SEC22C: variants seen among roughly 807,000 people sequenced by gnomAD.
SEC22C encodes vesicle-trafficking protein SEC22c.
A neutral mutation model predicts 34.7 loss-of-function variants in SEC22C; 29 were observed. The ratio of observed to expected loss-of-function variants is 0.84; its 90% CI spans 0.62 to 1.14. SEC22C has a LOEUF of 1.14. Among genes scored for constraint, SEC22C ranks in the 50% most tolerant of loss-of-function variants. The probability of loss-of-function intolerance (pLI) is 0.00; values close to 1 mark genes in which losing one functional copy is unlikely to be tolerated. For synonymous variants in SEC22C, 117 were observed against 132.8 expected (o/e 0.88, Z 0.82); for missense variants, 337 against 369.0 (o/e 0.91, Z 0.71).
At chr3:42,568,171 T>G (rs190436467) in intron 2 of SEC22C, among the ~76,000 whole-genome samples, 1 of 152,212 alleles carries the variant, frequency 6.6e-6, no homozygotes. Flanking sequence ...ATGAAATTTT[T>G]TTCTTATTTC....
chr3:42,580,891 A>G (rs1033059389), intron 1 of SEC22C, among the ~76,000 whole-genome samples: 1 of 152,206 alleles, frequency 6.6e-6, no homozygotes, highest in Non-Finnish European at 1.5e-5. Context: ...ACTTGTTACA[A>G]CTGCTCTTTA....
Position 42,600,769 on chromosome 3 carries a change from G to A in SEC22C, c.-28+191C>T, listed in dbSNP as rs765839394. ...CTCACGGGGACCCGCTCAGGCTGGA[G>A]GCCAGCCAGGTGAAGAGCTCGCCCG... On this transcript the variant is annotated intron_variant, in intron 1 of 6. Coordinates refer to the SEC22C transcript ENST00000417572. 7.6e-4 allele frequency: 277 copies of A among 366,666 alleles called. 1 individual carries two copies. The highest frequency in any genetic ancestry group is 1.3e-3 in the Non-Finnish European group (257 of 203,186). 22.7% of individuals were successfully genotyped at this position (366,666 alleles called of 1,614,324 possible).
At chr3:42,598,012 A>G (rs761067366) in intron 1 of SEC22C, among the ~76,000 whole-genome samples, 7 of 152,254 alleles carry the variant, frequency 4.6e-5, no homozygotes, top group Non-Finnish European at 7.3e-5. Flanking sequence ...GGAAAACAGT[A>G]TGGTAATTCC....
At chr3:42,563,486 T>C (rs758928815) in intron 3 of SEC22C, 37 bp downstream of exon 3, 4 of 1,573,990 alleles carry the variant, frequency 2.5e-6, no homozygotes, top group East Asian at 2.2e-5. Flanking sequence ...TATAACACCA[T>C]GGAAGAGAAA....
intron 1 of SEC22C, chr3:42,591,164 G>A (rs1371448071): frequency 3.2e-6 from 2 of 633,904 alleles, no homozygotes; most frequent in African/African-American, 3.7e-5. Context: ...TCGGTCCCCC[G>A]CCGTCCAGAC....
chr3:42,587,695 C>T (rs1159171271), intron 1 of SEC22C: 1 of 151,510 alleles, frequency 6.6e-6, no homozygotes, highest in Non-Finnish European at 1.5e-5. Flanking sequence ...GAGATCGTGC[C>T]ACAGCACTCC....
In SEC22C at chr3:42,550,963, G is replaced by A. The variant is rs890313031; in HGVS notation, c.*2285C>T. Reference sequence around the variant, plus strand: ...GGCTCACTGCAACCTCCACCTCCCGGGTTCAAGAGATTCTCCTGCCTCAGC... The same window carrying A: ...GGCTCACTGCAACCTCCACCTCCCGAGTTCAAGAGATTCTCCTGCCTCAGC... On this transcript the variant is annotated 3_prime_UTR_variant, in exon 7 of 7. Transcript: ENST00000264454. 2.2e-5 allele frequency: 17 copies of A among 766,574 alleles called. No individual in the cohort carries two copies. The Admixed American group carries it at 3.2e-4, about 14-fold the overall frequency. The allele number at this position is 766,574 out of a possible 1,614,324, so 47.5% of individuals were successfully genotyped here.
chr3:42,553,714 A>G (rs531881431), intron 6 of SEC22C, among the ~76,000 whole-genome samples: 2 of 152,360 alleles, frequency 1.3e-5, no homozygotes, highest in East Asian at 3.9e-4. Context: ...TTAAAGAAAT[A>G]GACAGAAATG....
intron 1 of SEC22C, among the ~76,000 whole-genome samples, chr3:42,574,378 A>G (rs891982584): frequency 1.3e-4 from 19 of 151,500 alleles, no homozygotes; most frequent in Non-Finnish European, 2.2e-4. Flanking sequence ...AAAAAAAAAA[A>G]AAAAGGAATA....
intron 1 of SEC22C, among the ~76,000 whole-genome samples, chr3:42,575,557 G>A (rs1256994481): frequency 6.6e-6 from 1 of 152,152 alleles, no homozygotes; most frequent in Non-Finnish European, 1.5e-5. Flanking sequence ...AAAAGAATAA[G>A]TCCACTAAGA....
chr3:42,600,789 C>A (rs768161901), intron 1 of SEC22C: 8 of 383,552 alleles, frequency 2.1e-5, no homozygotes, highest in Non-Finnish European at 3.8e-5. Context: ...GTGAAGAGCT[C>A]GCCCGCATGC....
Position 42,553,239 on chromosome 3 carries a change from G to C in SEC22C, c.*9C>G. Reference sequence around the variant, plus strand: ...AAAATCAAAGAATCCATTCATCACAGTGTCATCCTCATACTCCACAGTCAG... The same window carrying C: ...AAAATCAAAGAATCCATTCATCACACTGTCATCCTCATACTCCACAGTCAG... On this transcript the variant is annotated 3_prime_UTR_variant, in exon 7 of 7. Coordinates refer to ENST00000264454, the MANE Select transcript of SEC22C (RefSeq NM_032970.4). The C allele has an allele frequency of 6.2e-7, 1 of 1,613,822 alleles. No homozygotes were observed. The highest frequency in any genetic ancestry group is 8.5e-7 in the Non-Finnish European group (1 of 1,179,990).
At chr3:42,556,785 G>C (rs983817473) in intron 5 of SEC22C, among the ~76,000 whole-genome samples, 1 of 152,050 alleles carries the variant, frequency 6.6e-6, no homozygotes, top group African/African-American at 2.4e-5. Context: ...GTGCAGTGGC[G>C]CAATTTTGGC....
chr3:42,562,166 A>C (rs1702961765), intron 3 of SEC22C, among the ~76,000 whole-genome samples: 1 of 152,240 alleles, frequency 6.6e-6, no homozygotes, highest in South Asian at 2.1e-4. Context: ...AAATCTGTAT[A>C]ATTCTACTCT....
chr3:42,572,363 C>T (rs1703696386), intron 1 of SEC22C, among the ~76,000 whole-genome samples: 2 of 152,204 alleles, frequency 1.3e-5, no homozygotes, highest in South Asian at 4.1e-4. Context: ...CTACCACACA[C>T]CTGCCAACGA....
At chr3:42,581,725 G>T (rs533746470) in intron 1 of SEC22C, 121 bp downstream of exon 1, 1 of 152,630 alleles carries the variant, frequency 6.6e-6, no homozygotes, top group South Asian at 2.1e-4. Flanking sequence ...GTCAAGGCCG[G>T]GACTGAGGGC....
chr3:42,560,004 C>G (rs1200453576), intron 4 of SEC22C, among the ~76,000 whole-genome samples: 1 of 151,676 alleles, frequency 6.6e-6, no homozygotes, highest in Non-Finnish European at 1.5e-5. Context: ...CTCCAGCCCC[C>G]TGTCCAACGC....
chr3:42,566,774 C>T (rs747525079), intron 2 of SEC22C: 17 of 370,982 alleles, frequency 4.6e-5, no homozygotes, highest in Non-Finnish European at 8.3e-5. Context: ...AAGGCCAAGG[C>T]GGGAGGATCA....
At chr3:42,582,767 G>C (rs1192255481), upstream of SEC22C, among the ~76,000 whole-genome samples, 1 of 152,204 alleles carries the variant, frequency 6.6e-6, no homozygotes, top group African/African-American at 2.4e-5. Context: ...TAGGCAAAGG[G>C]GAGAGGAAGT....
Sources: allele counts gnomAD v4.1 joint callset (sites outside exome capture counted in the v4.1 genomes callset), GRCh38; gene constraint gnomAD v4.1.1; transcripts MANE v1.5; gene names NCBI Gene and HGNC (gene_info 2026-07-23, HGNC 2026-07-21).